Variants in ANKRD31 observed in about 807,000 individuals in gnomAD.
The protein encoded by ANKRD31 is ankyrin repeat domain-containing protein 31.
Under a neutral mutation model 186.0 loss-of-function variants are expected in ANKRD31, and 147 were observed. That is an observed-to-expected ratio of 0.79 (90% CI 0.69 to 0.91). ANKRD31 has a LOEUF of 0.91. Among genes scored for constraint, ANKRD31 ranks in the 40% least tolerant of loss-of-function variants. The pLI is 0.00. For missense variants in ANKRD31, 1,986 were observed against 2,148.8 expected (o/e 0.92, Z 1.50); for synonymous variants, 673 against 736.4 (o/e 0.91, Z 1.39).
intron 3 of ANKRD31, among the ~76,000 whole-genome samples, chr5:75,217,202 G>T (rs1253869889): frequency 6.6e-6 from 1 of 152,180 alleles, no homozygotes; most frequent in Non-Finnish European, 1.5e-5. Flanking sequence ...ATATTCTGTT[G>T]TCTTCGGGTG....
intron 2 of ANKRD31, among the ~76,000 whole-genome samples, chr5:75,223,117 C>T (rs1053257805): frequency 6.6e-6 from 1 of 152,182 alleles, no homozygotes; most frequent in Non-Finnish European, 1.5e-5. Context: ...TGTTTCCTGA[C>T]TTTTTAATAA....
rs530312963 is a variant in ANKRD31 at position 75,169,878 on chromosome 5, T to C, written c.1565-757A>G. On this transcript the variant is annotated intron_variant, in intron 10 of 25. Transcript: ENST00000506364. ...TCCCTGGCCTCAACCCACCAGATGATAGTAGAAACTCCTATCCTAGTTCTA... is the reference window on the plus strand; with the variant it reads ...TCCCTGGCCTCAACCCACCAGATGACAGTAGAAACTCCTATCCTAGTTCTA... Among the ~76,000 whole-genome samples the C allele has an allele frequency of 5.9e-5, 9 of 152,242 alleles. No individual in the cohort carries two copies. The South Asian group carries it at 1.2e-3, about 21-fold the overall frequency.
chr5:75,177,686 G>C (rs1753919323), intron 10 of ANKRD31, among the ~76,000 whole-genome samples: 1 of 152,160 alleles, frequency 6.6e-6, no homozygotes, highest in Admixed American at 6.5e-5. Flanking sequence ...CAAATGCTGA[G>C]AGATTTTGTC....
rs5868765 is a variant in ANKRD31, at chr5:75,138,014, G to GA, written c.3734-17dup. ...GGTGTCCAACCTAAAAAAAGAAAAA[G>GA]AAAAAAAAAAACCCTGCTTCATGCG... is the stretch of plus-strand genomic sequence containing the variant. On this transcript the variant is annotated splice_polypyrimidine_tract_variant and intron_variant, in intron 16 of 25. Transcript: ENST00000506364. 486,455 of 1,176,410 alleles carry GA rather than the reference G, an allele frequency of 0.41. 56,239 individuals are homozygous for GA. The highest frequency in any genetic ancestry group is 0.75 in the African/African-American group (47,826 of 63,784). The allele number at this position is 1,176,410 out of a possible 1,614,324, so 72.9% of individuals were successfully genotyped here.
intron 7 of ANKRD31, among the ~76,000 whole-genome samples, chr5:75,195,273 CAG>C (rs950997599): frequency 5.3e-5 from 8 of 152,122 alleles, no homozygotes; most frequent in African/African-American, 1.9e-4. Context: ...TCTGAGCTAA[CAG>C]AGAAAATTTT....
chr5:75,188,915 G>A (rs917085478), intron 9 of ANKRD31, among the ~76,000 whole-genome samples: 1 of 152,140 alleles, frequency 6.6e-6, no homozygotes, highest in Non-Finnish European at 1.5e-5. Flanking sequence ...TAAACAGTGT[G>A]TGTTGATTGA....
chr5:75,137,290 A>G (rs1750664845), intron 17 of ANKRD31, among the ~76,000 whole-genome samples: 1 of 152,228 alleles, frequency 6.6e-6, no homozygotes, highest in Admixed American at 6.5e-5. Context: ...GCTTTGTCAA[A>G]CAGAAAGATG....
intron 25 of ANKRD31, among the ~76,000 whole-genome samples, chr5:75,079,170 T>C (rs1294387654): frequency 1.3e-5 from 2 of 152,198 alleles, no homozygotes; most frequent in African/African-American, 4.8e-5. Flanking sequence ...AGCTTTTCCA[T>C]CATCTCTGAT....
chr5:75,141,998 G>T (rs1282869128), intron 15 of ANKRD31, among the ~76,000 whole-genome samples: 2 of 152,080 alleles, frequency 1.3e-5, no homozygotes, highest in Non-Finnish European at 2.9e-5. Context: ...AAATCTGATA[G>T]AAATTCAAAA....
At position 75,104,840 on chromosome 5, in the gene ANKRD31, A is replaced by G. The variant is rs1747200044; in HGVS notation, c.4719T>C (p.Asp1573=). The G allele has an allele frequency of 1.3e-6, 2 of 1,537,108 alleles. No homozygotes were observed. Among genetic ancestry groups the G allele is most frequent in the Admixed American group, 2.0e-5 (1 of 50,980 alleles). ...AVRRGEFSGN[D]MNSKQNGSDC... ...CACTGCCATTTTGTTTAGAATTCAT[A>G]TCATTTCCAGAAAATTCTCCCCTTC... is the stretch of plus-strand genomic sequence containing the variant. The change falls in exon 22 of 26, where the codon GAT becomes GAC. Residue 1573 remains aspartate, a synonymous_variant. Transcript: ENST00000506364.
intron 3 of ANKRD31, among the ~76,000 whole-genome samples, chr5:75,218,288 A>C (rs1372188100): frequency 6.6e-6 from 1 of 152,190 alleles, no homozygotes; most frequent in East Asian, 1.9e-4. Flanking sequence ...ACAAAAATGC[A>C]AACAGCCATC....
intron 22 of ANKRD31, among the ~76,000 whole-genome samples, chr5:75,096,929 C>A (rs190619269): frequency 6.6e-6 from 1 of 150,774 alleles, no homozygotes; most frequent in Non-Finnish European, 1.5e-5. Context: ...TCTGTCCTTG[C>A]GATAATTTGC....
rs10942729 is a variant in ANKRD31, at chr5:75,068,475, G to A, written c.*44C>T. The A allele has an allele frequency of 0.4, 564,187 of 1,417,550 alleles. 121,662 individuals carry two copies. Among genetic ancestry groups the A allele is most frequent in the African/African-American group, 0.83 (56,945 of 68,490 alleles). The allele number at this position is 1,417,550 out of a possible 1,614,324, so 87.8% of individuals were successfully genotyped here. A position where few individuals can be genotyped will look rare whatever the true frequency, so the allele number is the denominator to read the frequency against. On this transcript the variant is annotated 3_prime_UTR_variant, in exon 26 of 26. Coordinates refer to ENST00000506364, the MANE Select transcript of ANKRD31 (RefSeq NM_001372053.1). ...CAAGATGAAATATAAATGTTTGTTG[G>A]TAATTTGAACAAATATCCAATAAAA...
chr5:75,174,772 C>T (rs1270879992), intron 10 of ANKRD31, among the ~76,000 whole-genome samples: 1 of 152,208 alleles, frequency 6.6e-6, no homozygotes, highest in East Asian at 1.9e-4. Flanking sequence ...CGCTTTTACA[C>T]TGTTGGTGGG....
intron 15 of ANKRD31, among the ~76,000 whole-genome samples, chr5:75,140,875 G>C (rs938685526): frequency 1.4e-4 from 21 of 152,282 alleles, no homozygotes; most frequent in Middle Eastern, 3.4e-3. Context: ...AGAGCCTTCA[G>C]ATGAGACCCC....
chr5:75,147,648 T>C (rs1303870226), intron 13 of ANKRD31, 143 bp from the exon 14 acceptor site: 8 of 669,706 alleles, frequency 1.2e-5, no homozygotes, highest in Non-Finnish European at 1.6e-5. Context: ...TGCTGGGATA[T>C]AGCCAACCTG....
chr5:75,236,248 T>C (rs1758268834), intron 1 of ANKRD31, among the ~76,000 whole-genome samples: 1 of 152,224 alleles, frequency 6.6e-6, no homozygotes, highest in Admixed American at 6.5e-5. Context: ...AAATGAAGTC[T>C]CCTGAAACAA....
chr5:75,205,824 T>C (rs974794705), intron 5 of ANKRD31, among the ~76,000 whole-genome samples: 1 of 152,114 alleles, frequency 6.6e-6, no homozygotes, highest in Non-Finnish European at 1.5e-5. Context: ...GAATCATTGG[T>C]AGACACTGCA....
chr5:75,203,662 C>CA (rs112986947), intron 5 of ANKRD31, among the ~76,000 whole-genome samples: 36,403 of 98,642 alleles, frequency 0.37, 7,661 homozygotes, highest in African/African-American at 0.63. Context: ...GGATCCATCT[C>CA]AAAAAAAAAA....
Sources: gnomAD v4.1 joint callset for allele counts (sites outside exome capture counted in the v4.1 genomes callset) on GRCh38, gnomAD v4.1.1 for gene constraint, MANE v1.5 for transcripts, NCBI Gene and HGNC (gene_info 2026-07-23, HGNC 2026-07-21) for gene names.